The following KLF15 variants were observed in gnomAD, a reference collection of about 807,000 sequenced individuals.
KLF15 encodes KLF transcription factor 15, also known as Krueppel-like factor 15.
In KLF15, 4 loss-of-function variants were observed where a neutral mutation model predicts 24.6. The observed-to-expected ratio is 0.16, with a 90% CI of 0.08 to 0.37. KLF15 has a LOEUF of 0.37. Among genes scored for constraint, KLF15 ranks in the 10% least tolerant of loss-of-function variants. KLF15 has a pLI of 1.00. For missense variants in KLF15, 496 were observed against 560.6 expected, an observed-to-expected ratio of 0.88 and a Z score of 1.16; for synonymous variants, 246 against 236.3, an observed-to-expected ratio of 1.04 and a Z score of -0.37.
the KLF15 span, among the ~76,000 whole-genome samples, chr3:126,294,379 T>C: frequency 1.3e-5 from 2 of 152,244 alleles, no homozygotes; most frequent in East Asian, 1.9e-4. Flanking sequence ...CTAATTTTAC[T>C]ATCCTCTGGT....
the KLF15 span, among the ~76,000 whole-genome samples, chr3:126,329,354 T>C: frequency 6.6e-6 from 1 of 152,164 alleles, no homozygotes; most frequent in Admixed American, 6.5e-5. Flanking sequence ...TGTGGTGGTG[T>C]GTGCCTGGAG....
At chr3:126,305,716 T>C in the KLF15 span, among the ~76,000 whole-genome samples, 2 of 152,210 alleles carry the variant, frequency 1.3e-5, no homozygotes, top group East Asian at 3.9e-4. Context: ...TGGAAGTAGC[T>C]GCTGGGTTGG....
chr3:126,346,804 C>T (rs886070010), intron 2 of KLF15, among the ~76,000 whole-genome samples: 5 of 152,144 alleles, frequency 3.3e-5, no homozygotes, highest in Admixed American at 6.5e-5. Flanking sequence ...TGTGGGAACC[C>T]GGTGGGTAAG....
the KLF15 span, chr3:126,291,302 C>G: frequency 6.6e-6 from 1 of 152,388 alleles, no homozygotes; most frequent in African/African-American, 2.4e-5. Context: ...AAAATAATGC[C>G]TGGAAGCTGC....
At chr3:126,324,916 G>GCTCA in the KLF15 span, among the ~76,000 whole-genome samples, 25 of 99,982 alleles carry the variant, frequency 2.5e-4, no homozygotes, top group Non-Finnish European at 4.2e-4. Context: ...CCACTAATGT[G>GCTCA]TCATCTAGCA....
chr3:126,302,251 T>G, the KLF15 span, among the ~76,000 whole-genome samples: 5,501 of 152,332 alleles, frequency 0.036, 323 homozygotes, highest in African/African-American at 0.12. Flanking sequence ...AGACTTTATG[T>G]GACCTTGGAT....
the KLF15 span, among the ~76,000 whole-genome samples, chr3:126,310,021 G>GAAGGCC: frequency 6.6e-6 from 1 of 152,262 alleles, no homozygotes; most frequent in Non-Finnish European, 1.5e-5. Flanking sequence ...TCCCAGGTTG[G>GAAGGCC]AAGGCCAAGG....
the KLF15 span, among the ~76,000 whole-genome samples, chr3:126,302,770 TCTTA>T: frequency 6.6e-6 from 1 of 152,142 alleles, no homozygotes; most frequent in South Asian, 2.1e-4. Context: ...TCCTCCTACT[TCTTA>T]CTTATTTGTG....
At chr3:126,299,344 T>C in the KLF15 span, among the ~76,000 whole-genome samples, 1 of 152,206 alleles carries the variant, frequency 6.6e-6, no homozygotes, top group African/African-American at 2.4e-5. Flanking sequence ...TTTATGTACA[T>C]TGATTTTGTA....
downstream of KLF15, among the ~76,000 whole-genome samples, chr3:126,340,559 C>T (rs1010133261): frequency 6.6e-6 from 1 of 152,228 alleles, no homozygotes; most frequent in Non-Finnish European, 1.5e-5. Context: ...GTTATAGTAG[C>T]CTAACTCATA....
intron 1 of KLF15, among the ~76,000 whole-genome samples, chr3:126,355,962 G>C (rs1560043137): frequency 6.6e-6 from 1 of 152,222 alleles, no homozygotes; most frequent in Non-Finnish European, 1.5e-5. Context: ...CAGAGGCGCA[G>C]GCTGCGTGCA....
At chr3:126,296,230 T>C in the KLF15 span, among the ~76,000 whole-genome samples, 1 of 152,340 alleles carries the variant, frequency 6.6e-6, no homozygotes, top group Non-Finnish European at 1.5e-5. Flanking sequence ...AAATTTATAT[T>C]TGGAGTCTCG....
rs1184181703 is a variant in KLF15 at position 126,356,368 on chromosome 3, C to G, written c.-26+869G>C. On this transcript the variant is annotated intron_variant, in intron 1 of 2. Transcript: ENST00000296233. This position sits in a 1 kb window ranked among gnomAD's most constrained non-coding sequence, Gnocchi z 4.4. ...CACCTCCGAGGGCCGTGGGAGAAAA[C>G]AGCCCCTCTGTGCCCTCCGTGAGAG... Among the ~76,000 whole-genome samples the G allele has an allele frequency of 1.3e-5, 2 of 152,248 alleles. No individual in the cohort carries two copies. Among genetic ancestry groups the G allele is most frequent in the Admixed American group, 6.5e-5 (1 of 15,302 alleles).
the KLF15 span, among the ~76,000 whole-genome samples, chr3:126,326,844 G>T: frequency 6.1e-4 from 92 of 151,998 alleles, no homozygotes; most frequent in African/African-American, 2.0e-3. Flanking sequence ...TAATTAAGTC[G>T]ATTAATATTG....
chr3:126,355,135 C>T (rs1032083628), intron 1 of KLF15, among the ~76,000 whole-genome samples: 14 of 152,138 alleles, frequency 9.2e-5, no homozygotes, highest in Non-Finnish European at 8.8e-5. Flanking sequence ...TCCCCTGAAA[C>T]GTGATCACTA....
intron 2 of KLF15, among the ~76,000 whole-genome samples, chr3:126,346,461 C>A (rs1458722649): frequency 6.6e-6 from 1 of 152,198 alleles, no homozygotes; most frequent in Non-Finnish European, 1.5e-5. Flanking sequence ...CTGAATGGTC[C>A]TTTCTGGGCC....
At chr3:126,317,492 G>T in the KLF15 span, among the ~76,000 whole-genome samples, 2 of 152,330 alleles carry the variant, frequency 1.3e-5, no homozygotes, top group Non-Finnish European at 2.9e-5. Flanking sequence ...ACACTAAGAG[G>T]CAAAATGGCA....
At chr3:126,315,315 T>C in the KLF15 span, among the ~76,000 whole-genome samples, 7 of 152,190 alleles carry the variant, frequency 4.6e-5, no homozygotes, top group Non-Finnish European at 5.9e-5. Context: ...GGGCTGTAAC[T>C]CCCAGTACAG....
At chr3:126,300,577 TC>T in the KLF15 span, among the ~76,000 whole-genome samples, 1 of 152,176 alleles carries the variant, frequency 6.6e-6, no homozygotes, top group South Asian at 2.1e-4. Flanking sequence ...GCTTCCCCTT[TC>T]CCCGTCCCCA....
Sources: allele counts gnomAD v4.1 joint callset (sites outside exome capture counted in the v4.1 genomes callset), GRCh38; gene constraint gnomAD v4.1.1; non-coding constraint Gnocchi (gnomAD v3.1); transcripts MANE v1.5; gene names NCBI Gene and HGNC (gene_info 2026-07-23, HGNC 2026-07-21).